SYNPO2: variants seen among roughly 807,000 people sequenced by gnomAD.
SYNPO2 encodes synaptopodin 2.
A neutral mutation model predicts 85.0 loss-of-function variants in SYNPO2; 56 were observed. The ratio of observed to expected loss-of-function variants is 0.66; its 90% CI spans 0.53 to 0.82. The LOEUF is 0.82. Ranked by LOEUF, SYNPO2 falls within the 40% of genes least tolerant of loss-of-function variation. The pLI is 0.00. For synonymous variants in SYNPO2, 602 were observed against 591.1 expected (o/e 1.02, Z -0.27); for missense variants, 1,575 against 1,534.2 (o/e 1.03, Z -0.44).
rs1027913257 is a variant in SYNPO2 at position 119,032,663 on chromosome 4, A to G, written c.3252+636A>G. 91 of 985,854 alleles carry G rather than the reference A, an allele frequency of 9.2e-5. No homozygotes were observed. In the Admixed American group the frequency reaches 1.3e-3, roughly 14 times the overall value. 61.1% of individuals were successfully genotyped at this position (985,854 alleles called of 1,614,324 possible). ...AGAGGGTCTTAATTACTGAGCACTT[A>G]TTATGTATTAGGTTCTTTGCCAGAT... On this transcript the variant is annotated intron_variant, in intron 4 of 4. Transcript: ENST00000307142.
rs939745215 is a variant in SYNPO2 at position 119,060,828 on chromosome 4, A to C, written c.*2894A>C. 6.6e-6 allele frequency: 1 copy of C among 152,220 alleles called. No individual in the cohort carries two copies. Among genetic ancestry groups the C allele is most frequent in the Non-Finnish European group, 1.5e-5 (1 of 68,028 alleles). The allele number at this position is 152,220 out of a possible 1,614,324, so 9.4% of individuals were successfully genotyped here. ...ATGCATGTGTTTGAAATATCCATTA[A>C]GATGATTTAAAATTTGTCTTGTATT... is the stretch of plus-strand genomic sequence containing the variant. On this transcript the variant is annotated 3_prime_UTR_variant, in exon 5 of 5. Transcript: ENST00000307142.
At chr4:118,996,631 G>A (rs948016722) in intron 1 of SYNPO2, among the ~76,000 whole-genome samples, 6 of 152,042 alleles carry the variant, frequency 3.9e-5, no homozygotes, top group Admixed American at 2.6e-4. Context: ...GCCAGTGGGG[G>A]TGGATCATGA....
intron 1 of SYNPO2, among the ~76,000 whole-genome samples, chr4:119,007,227 T>C (rs28719773): frequency 4.1e-5 from 2 of 48,760 alleles, no homozygotes; most frequent in Non-Finnish European, 7.3e-5. Context: ...TATATATATA[T>C]ATATATATAT....
intron 1 of SYNPO2, among the ~76,000 whole-genome samples, chr4:118,998,905 G>GT (rs1736720980): frequency 6.7e-6 from 1 of 149,408 alleles, no homozygotes; most frequent in African/African-American, 2.5e-5. Context: ...TTTTTGTTTT[G>GT]TTTTTTCTTT....
chr4:119,008,521 GATATGTTATT>G (rs1737167203), intron 1 of SYNPO2, among the ~76,000 whole-genome samples: 1 of 151,396 alleles, frequency 6.6e-6, no homozygotes, highest in African/African-American at 2.4e-5. Context: ...CAGAAATTAT[GATATGTTATT>G]ATAAAAGATG....
intron 1 of SYNPO2, among the ~76,000 whole-genome samples, chr4:118,855,903 C>G (rs1050262956): frequency 2.6e-5 from 4 of 152,146 alleles, no homozygotes; most frequent in Non-Finnish European, 5.9e-5. Flanking sequence ...CCCTCTTTCT[C>G]TTTCTTTTTC....
chr4:119,045,822 A>G (rs1442350298), intron 4 of SYNPO2, among the ~76,000 whole-genome samples: 1 of 152,268 alleles, frequency 6.6e-6, no homozygotes, highest in Non-Finnish European at 1.5e-5. Flanking sequence ...CTATATTAAT[A>G]CAAGTATTGT....
rs760849913 is a variant in SYNPO2, at chr4:118,904,411, A to G, written c.105+15270A>G. 2.7e-4 allele frequency among the ~76,000 whole-genome samples: 41 copies of G among 152,326 alleles called. 1 individual carries two copies. In the Middle Eastern group the frequency reaches 0.017, roughly 63 times the overall value. Reference sequence around the variant, plus strand: ...TTGTGAAGTGGCATTTAATAGTTTTAGAATGCTGCCTCACATTTGCTGAAT... The same window carrying G: ...TTGTGAAGTGGCATTTAATAGTTTTGGAATGCTGCCTCACATTTGCTGAAT... On this transcript the variant is annotated intron_variant, in intron 1 of 4. Transcript: ENST00000307142.
chr4:118,957,864 A>G (rs1032099374), intron 1 of SYNPO2, among the ~76,000 whole-genome samples: 8 of 152,200 alleles, frequency 5.3e-5, no homozygotes, highest in African/African-American at 1.9e-4. Context: ...TTCAGTCACA[A>G]CGTGAAAAGG....
At chr4:118,931,504 A>T (rs1214160072) in intron 1 of SYNPO2, among the ~76,000 whole-genome samples, 1 of 152,220 alleles carries the variant, frequency 6.6e-6, no homozygotes, top group African/African-American at 2.4e-5. Context: ...GCTCCCAAGG[A>T]GCTTTACTCC....
intron 1 of SYNPO2, among the ~76,000 whole-genome samples, chr4:118,969,771 G>GTT (rs58713974): frequency 2.5e-4 from 35 of 141,660 alleles, no homozygotes; most frequent in Middle Eastern, 3.8e-3. Context: ...TGATTACAAG[G>GTT]TTTTTTTTTT....
chr4:118,880,740 C>G (rs139920349), intron 1 of SYNPO2, among the ~76,000 whole-genome samples: 3,485 of 99,946 alleles, frequency 0.035, 61 homozygotes, highest in African/African-American at 0.048. Context: ...GAGCGAGACT[C>G]TGTCCCAAAA....
chr4:119,048,068 T>C (rs1022721393), intron 4 of SYNPO2, among the ~76,000 whole-genome samples: 1 of 152,260 alleles, frequency 6.6e-6, no homozygotes, highest in African/African-American at 2.4e-5. Context: ...TTTGAAACTC[T>C]TAAACTTCCA....
intron 1 of SYNPO2, among the ~76,000 whole-genome samples, chr4:118,919,810 C>T (rs73844626): frequency 0.014 from 2,187 of 152,302 alleles, 46 homozygotes; most frequent in African/African-American, 0.05. Context: ...AGACTGAGTA[C>T]AGGAGTTGGC....
chr4:118,875,957 C>A (rs1731898220), intron 1 of SYNPO2, among the ~76,000 whole-genome samples: 1 of 152,234 alleles, frequency 6.6e-6, no homozygotes. Flanking sequence ...ATCCTCAACT[C>A]ATCTTCCGTT....
intron 1 of SYNPO2, among the ~76,000 whole-genome samples, chr4:118,851,400 T>G (rs1235913964): frequency 6.6e-6 from 1 of 152,080 alleles, no homozygotes; most frequent in Non-Finnish European, 1.5e-5. Flanking sequence ...GGCAGGAGAA[T>G]CGCTTGAACC....
intron 1 of SYNPO2, among the ~76,000 whole-genome samples, chr4:118,946,982 A>G (rs1242018610): frequency 6.6e-6 from 1 of 152,234 alleles, no homozygotes; most frequent in Non-Finnish European, 1.5e-5. Flanking sequence ...GCTTTCAGGA[A>G]GTCACAGTTG....
intron 4 of SYNPO2, chr4:119,036,854 A>G: frequency 9.0e-7 from 1 of 1,107,324 alleles, no homozygotes; most frequent in African/African-American, 1.6e-5. Flanking sequence ...TTAATTTTAA[A>G]TATCAAGTCC....
Position 119,054,071 on chromosome 4 carries a change from G to T in SYNPO2, c.3253-3330G>T, listed in dbSNP as rs181666584. 5.3e-4 allele frequency among the ~76,000 whole-genome samples: 80 copies of T among 152,312 alleles called. 1 individual carries two copies. The highest frequency in any genetic ancestry group is 1.7e-3 in the African/African-American group (69 of 41,586). ...TCTTTGCCAGACTTGCAACAGGGGT[G>T]CCCTGTTTACTCAGCTCACTGTGCT... is the stretch of plus-strand genomic sequence containing the variant. On this transcript the variant is annotated intron_variant, in intron 4 of 4. Coordinates refer to ENST00000307142, the MANE Select transcript of SYNPO2 (RefSeq NM_133477.3).
Sources: allele counts gnomAD v4.1 joint callset (sites outside exome capture counted in the v4.1 genomes callset), GRCh38; gene constraint gnomAD v4.1.1; transcripts MANE v1.5; gene names NCBI Gene and HGNC (gene_info 2026-07-23, HGNC 2026-07-21).